Variants in FOCAD observed in about 807,000 individuals in gnomAD.
FOCAD encodes KIAA1797.
A neutral mutation model predicts 225.6 loss-of-function variants in FOCAD; 198 were observed. The ratio of observed to expected loss-of-function variants is 0.88; its 90% CI spans 0.78 to 0.99. The LOEUF (loss-of-function observed/expected upper bound fraction) is 0.99, where lower values mean the gene tolerates loss of function less well. Ranked by LOEUF, FOCAD falls within the 50% of genes least tolerant of loss-of-function variation. The pLI, the probability that FOCAD is intolerant of heterozygous loss-of-function variation, is 0.00. For synonymous variants in FOCAD, 897 were observed against 755.0 expected (o/e 1.19, Z -3.08); for missense variants, 2,713 against 2,123.6 (o/e 1.28, Z -5.46).
chr9:20,914,848 C>G (rs904289457), intron 23 of FOCAD, among the ~76,000 whole-genome samples: 4 of 152,054 alleles, frequency 2.6e-5, no homozygotes, highest in Non-Finnish European at 5.9e-5. Context: ...GTTAGGAGTC[C>G]GTTGCAATAA....
At chr9:20,963,870 C>T (rs1452727056) in intron 35 of FOCAD, among the ~76,000 whole-genome samples, 1 of 152,156 alleles carries the variant, frequency 6.6e-6, no homozygotes, top group African/African-American at 2.4e-5. Flanking sequence ...GAAGTTATTA[C>T]ACCTGATTTT....
intron 4 of FOCAD, among the ~76,000 whole-genome samples, chr9:20,728,769 A>G (rs928888123): frequency 7.2e-5 from 11 of 152,128 alleles, no homozygotes; most frequent in Admixed American, 2.6e-4. Flanking sequence ...TCCTGTGTGG[A>G]TTAGGTCTCT....
intron 4 of FOCAD, among the ~76,000 whole-genome samples, chr9:20,735,959 A>T (rs1026137450): frequency 6.6e-6 from 1 of 152,108 alleles, no homozygotes; most frequent in Non-Finnish European, 1.5e-5. Context: ...CATGCATTCT[A>T]ATTTAACTGG....
In FOCAD at chr9:20,821,025, A is replaced by T; in HGVS notation, c.1747A>T (p.Lys583Ter). The T allele has an allele frequency of 3.1e-6, 5 of 1,612,798 alleles. No homozygotes were observed. Among genetic ancestry groups the T allele is most frequent in the Non-Finnish European group, 4.2e-6 (5 of 1,179,152 alleles). ...LSVGKEVQWE[K>*]LIAKAASIRD... The stretch of plus-strand genomic sequence containing the variant: ...GGTGGGCAAGGAAGTCCAATGGGAG[A>T]AACTGATTGCAAAAGCAGCATCAAT... Residue 583 changes from lysine to a stop codon, truncating the protein, a stop_gained, in exon 14 of 44, where the codon AAA becomes TAA. Coordinates refer to ENST00000338382, the MANE Select transcript of FOCAD (RefSeq NM_001375567.1). LOFTEE classifies it high-confidence loss of function.
intron 4 of FOCAD, among the ~76,000 whole-genome samples, chr9:20,721,903 CCTT>C (rs1825805306): frequency 1.3e-5 from 1 of 74,284 alleles, no homozygotes; most frequent in Non-Finnish European, 2.7e-5. Flanking sequence ...CCCTCCCCTC[CCTT>C]TCCTTTTCCT....
intron 36 of FOCAD, among the ~76,000 whole-genome samples, chr9:20,977,023 G>C (rs1033486805): frequency 7.9e-5 from 12 of 152,150 alleles, no homozygotes; most frequent in African/African-American, 2.9e-4. Flanking sequence ...CAAGGTATCA[G>C]CAAATTAGAA....
At chr9:20,716,680 C>T (rs1393073066) in intron 2 of FOCAD, among the ~76,000 whole-genome samples, 3 of 152,142 alleles carry the variant, frequency 2.0e-5, no homozygotes, top group African/African-American at 2.4e-5. Context: ...TCTGTAACCA[C>T]TGCTCGATGT....
intron 2 of FOCAD, among the ~76,000 whole-genome samples, chr9:20,671,717 A>G (rs985536120): frequency 1.3e-5 from 2 of 152,196 alleles, no homozygotes; most frequent in Admixed American, 6.5e-5. Context: ...TGGCAGGCAA[A>G]AAAAGGGCAA....
intron 15 of FOCAD, among the ~76,000 whole-genome samples, chr9:20,846,446 T>C (rs1827122513): frequency 6.6e-6 from 1 of 152,200 alleles, no homozygotes; most frequent in South Asian, 2.1e-4. Context: ...CAAACTGTTT[T>C]AGCAGCCAAA....
At chr9:20,693,312 C>A (rs142070000) in intron 1 of FOCAD, among the ~76,000 whole-genome samples, 17 of 152,344 alleles carry the variant, frequency 1.1e-4, no homozygotes, top group African/African-American at 4.1e-4. Flanking sequence ...TTTTACTCCC[C>A]TTCAGGCTAC....
At chr9:20,813,894 A>G (rs1050063105) in intron 11 of FOCAD, among the ~76,000 whole-genome samples, 1 of 152,094 alleles carries the variant, frequency 6.6e-6, no homozygotes, top group African/African-American at 2.4e-5. Context: ...TTTGCTTTAT[A>G]TATCTGGGTG....
upstream of FOCAD, among the ~76,000 whole-genome samples, chr9:20,681,996 C>A (rs1822413223): frequency 6.6e-6 from 1 of 152,154 alleles, no homozygotes; most frequent in African/African-American, 2.4e-5. Flanking sequence ...TCCAATGCAA[C>A]AGGATTAAGA....
chr9:20,903,608 C>G (rs1307585297), intron 21 of FOCAD, among the ~76,000 whole-genome samples: 1 of 151,914 alleles, frequency 6.6e-6, no homozygotes, highest in Admixed American at 6.6e-5. Flanking sequence ...AATTCACTAA[C>G]TTTTTCTCTT....
chr9:20,852,132 G>C (rs1827721111), intron 15 of FOCAD, among the ~76,000 whole-genome samples: 1 of 151,726 alleles, frequency 6.6e-6, no homozygotes, highest in Non-Finnish European at 1.5e-5. Flanking sequence ...GAAAAATCTT[G>C]TTTATCCTTG....
Position 20,774,980 on chromosome 9 carries a change from T to G in FOCAD, c.907-3701T>G, listed in dbSNP as rs529368714. On this transcript the variant is annotated intron_variant, in intron 8 of 43. Coordinates refer to ENST00000338382, the MANE Select transcript of FOCAD (RefSeq NM_001375567.1). ...TGTGAACATATGCTATAGGTCTATA[T>G]GTACTACAATTTGAAATAAAATGAA... 3.3e-5 allele frequency among the ~76,000 whole-genome samples: 5 copies of G among 152,346 alleles called. 1 individual carries two copies. The East Asian group carries it at 7.7e-4, about 23-fold the overall frequency.
rs930913875 is a variant in FOCAD, at chr9:20,926,553, G to A, written c.3078+136G>A. ...AATCCCAGCACTTTGGAAGTCTGAG[G>A]TGGGCGGATCACCTGAGGTTGGGAG... On this transcript the variant is annotated intron_variant, in intron 26 of 43. Transcript: ENST00000338382. 7.9e-5 allele frequency: 47 copies of A among 596,684 alleles called. No homozygotes were observed. The East Asian group carries it at 1.3e-3, about 16-fold the overall frequency. 37.0% of individuals were successfully genotyped at this position (596,684 alleles called of 1,614,324 possible). A position where few individuals can be genotyped will look rare whatever the true frequency, so the allele number is the denominator to read the frequency against.
rs779646531 is a variant in FOCAD, at chr9:20,765,008, G to T, written c.634G>T (p.Asp212Tyr). The T allele has an allele frequency of 2.5e-6, 4 of 1,614,090 alleles. No individual in the cohort carries two copies. Among genetic ancestry groups the T allele is most frequent in the South Asian group, 2.2e-5 (2 of 91,076 alleles). The change falls in exon 7 of 44, where the codon GAT becomes TAT. Residue 212 changes from aspartate (D) to tyrosine (Y), a missense_variant. By Grantham distance (160) the Asp-to-Tyr change is radical. Coordinates refer to ENST00000338382, the MANE Select transcript of FOCAD (RefSeq NM_001375567.1). ...LLQPQVLCDK[D>Y]QPSILEQQIL... Reference sequence around the variant, plus strand: ...TCAACCCCAGGTTCTTTGTGACAAAGATCAACCATCAATACTGGAACAGCA... The same window carrying T: ...TCAACCCCAGGTTCTTTGTGACAAATATCAACCATCAATACTGGAACAGCA...
chr9:20,885,045 T>G, intron 20 of FOCAD, 64 bp from the exon 21 acceptor site: 18 of 1,004,870 alleles, frequency 1.8e-5, no homozygotes, highest in Non-Finnish European at 2.3e-5. Context: ...GGCAACAGAG[T>G]GAGATTCTGT....
chr9:20,787,641 T>C (rs1308600500), intron 10 of FOCAD, among the ~76,000 whole-genome samples: 1 of 152,230 alleles, frequency 6.6e-6, no homozygotes, highest in Non-Finnish European at 1.5e-5. Flanking sequence ...GTTCAGACAG[T>C]AGAAAATTGC....
Sources: allele counts gnomAD v4.1 joint callset (sites outside exome capture counted in the v4.1 genomes callset), GRCh38; gene constraint gnomAD v4.1.1; transcripts MANE v1.5; gene names NCBI Gene and HGNC (gene_info 2026-07-23, HGNC 2026-07-21).